Variants in GRM8 observed in about 807,000 individuals in gnomAD.
The protein encoded by GRM8 is glutamate metabotropic receptor 8.
GRM8 carries 47 observed loss-of-function variants against 87.2 expected under a neutral mutation model. The ratio of observed to expected loss-of-function variants is 0.54; its 90% CI spans 0.43 to 0.69. GRM8 has a LOEUF of 0.69. GRM8 is among the 30% of genes least tolerant of loss of function. The pLI is 0.00. For missense variants in GRM8, 1,019 were observed against 1,139.2 expected (o/e 0.89, Z 1.52); for synonymous variants, 396 against 404.5 (o/e 0.98, Z 0.25).
intron 7 of GRM8, among the ~76,000 whole-genome samples, chr7:126,726,074 A>C (rs888895509): frequency 6.6e-6 from 1 of 152,206 alleles, no homozygotes; most frequent in African/African-American, 2.4e-5. Context: ...ATTTTGAAGA[A>C]AATGTTAAAT....
At chr7:127,088,977 C>A (rs1310765232) in intron 3 of GRM8, among the ~76,000 whole-genome samples, 1 of 152,156 alleles carries the variant, frequency 6.6e-6, no homozygotes, top group African/African-American at 2.4e-5. Context: ...CGAAGCACAT[C>A]CTTTCCACTA....
chr7:127,191,052 TA>T (rs1450399772), intron 2 of GRM8, among the ~76,000 whole-genome samples: 1 of 152,200 alleles, frequency 6.6e-6, no homozygotes, highest in African/African-American at 2.4e-5. Context: ...ATGAATAGAT[TA>T]AAAAATTATT....
At chr7:127,201,662 G>A (rs1006692590) in intron 2 of GRM8, among the ~76,000 whole-genome samples, 8 of 152,244 alleles carry the variant, frequency 5.3e-5, no homozygotes, top group African/African-American at 1.9e-4. Flanking sequence ...AATAGAGGAA[G>A]AATTGTGGTG....
intron 3 of GRM8, among the ~76,000 whole-genome samples, chr7:127,053,261 C>A (rs951401385): frequency 5.3e-5 from 8 of 152,140 alleles, no homozygotes; most frequent in African/African-American, 1.9e-4. Context: ...ATGATATAGA[C>A]AAAATGGACT....
At chr7:126,629,309 C>G (rs185297196) in intron 7 of GRM8, among the ~76,000 whole-genome samples, 102 of 152,266 alleles carry the variant, frequency 6.7e-4, no homozygotes, top group Non-Finnish European at 1.2e-3. Context: ...AATCGCATTA[C>G]ATTTTTAAGC....
At chr7:127,044,408 C>G (rs1013640859) in intron 3 of GRM8, among the ~76,000 whole-genome samples, 2 of 152,100 alleles carry the variant, frequency 1.3e-5, no homozygotes, top group Non-Finnish European at 2.9e-5. Flanking sequence ...AAAGATGCAT[C>G]TACTTTTCCA....
intron 2 of GRM8, among the ~76,000 whole-genome samples, chr7:127,188,452 T>A (rs1489410711): frequency 6.6e-6 from 1 of 152,106 alleles, no homozygotes; most frequent in Non-Finnish European, 1.5e-5. Context: ...CCATGCCCCA[T>A]CTGGAGCACT....
At chr7:126,802,153 G>A (rs1020976570) in intron 6 of GRM8, among the ~76,000 whole-genome samples, 6 of 152,062 alleles carry the variant, frequency 3.9e-5, no homozygotes, top group East Asian at 1.9e-4. Flanking sequence ...TCACACATGC[G>A]TTACCTCACA....
At chr7:126,730,713 G>C (rs1486620094) in intron 7 of GRM8, among the ~76,000 whole-genome samples, 1 of 152,026 alleles carries the variant, frequency 6.6e-6, no homozygotes. Context: ...GCAATAGTTG[G>C]TAACTGCTTA....
At chr7:127,109,105 T>G (rs1826095923) in intron 2 of GRM8, among the ~76,000 whole-genome samples, 2 of 152,192 alleles carry the variant, frequency 1.3e-5, no homozygotes, top group Admixed American at 1.3e-4. Context: ...AGTAAAAATT[T>G]TTTAAAGACC....
intron 3 of GRM8, among the ~76,000 whole-genome samples, chr7:127,100,486 T>C (rs998325259): frequency 6.6e-6 from 1 of 152,350 alleles, no homozygotes; most frequent in Admixed American, 6.5e-5. Context: ...CCACACTGTA[T>C]TCATCTGTTC....
chr7:126,901,801 T>C (rs1802102784), intron 6 of GRM8, among the ~76,000 whole-genome samples: 1 of 152,230 alleles, frequency 6.6e-6, no homozygotes, highest in Admixed American at 6.5e-5. Context: ...TTTTTGATCC[T>C]ACTATAAGCA....
intron 6 of GRM8, among the ~76,000 whole-genome samples, chr7:126,852,469 C>T (rs1030282102): frequency 2.6e-5 from 4 of 152,110 alleles, no homozygotes; most frequent in African/African-American, 7.2e-5. Context: ...GGATGGTATT[C>T]GGTAATCATT....
At chr7:127,183,630 A>G (rs994660922) in intron 2 of GRM8, among the ~76,000 whole-genome samples, 26 of 151,836 alleles carry the variant, frequency 1.7e-4, no homozygotes, top group African/African-American at 6.3e-4. Context: ...AAAAAAAACT[A>G]GAGAAAAAGA....
chr7:126,737,511 C>T (rs1478177747), intron 7 of GRM8, among the ~76,000 whole-genome samples: 1 of 152,008 alleles, frequency 6.6e-6, no homozygotes, highest in Non-Finnish European at 1.5e-5. Flanking sequence ...TTTAATTACT[C>T]TTTCTCTATC....
chr7:126,516,216 A>G (rs1259263648), intron 9 of GRM8, among the ~76,000 whole-genome samples: 3 of 151,994 alleles, frequency 2.0e-5, no homozygotes, highest in African/African-American at 7.2e-5. Flanking sequence ...AGATAATTAT[A>G]TTTTAGGATG....
chr7:126,495,631 T>C (rs1319244236), intron 9 of GRM8, among the ~76,000 whole-genome samples: 2 of 151,986 alleles, frequency 1.3e-5, no homozygotes, highest in Non-Finnish European at 2.9e-5. Flanking sequence ...TTTAAATTAT[T>C]ATTTTTCATC....
chr7:126,627,468 A>G (rs1029555727), intron 7 of GRM8, among the ~76,000 whole-genome samples: 1 of 152,234 alleles, frequency 6.6e-6, no homozygotes, highest in Non-Finnish European at 1.5e-5. Flanking sequence ...TTTCTATGGA[A>G]AGCATCAAGT....
At chr7:126,466,684 A>G (rs541314562) in intron 9 of GRM8, among the ~76,000 whole-genome samples, 2 of 152,012 alleles carry the variant, frequency 1.3e-5, no homozygotes, top group East Asian at 3.9e-4. Context: ...GAAAAAAATC[A>G]GACGCCCCAG....
Sources: allele counts gnomAD v4.1 joint callset (sites outside exome capture counted in the v4.1 genomes callset), GRCh38; gene constraint gnomAD v4.1.1; transcripts MANE v1.5; gene names NCBI Gene and HGNC (gene_info 2026-07-23, HGNC 2026-07-21).